Variants in SPIRE1 observed in about 807,000 individuals in gnomAD.
The protein encoded by SPIRE1 is spire type actin nucleation factor 1, also known as protein spire homolog 1.
Under a neutral mutation model 94.1 loss-of-function variants are expected in SPIRE1, and 40 were observed. The ratio of observed to expected loss-of-function variants is 0.43; its 90% CI spans 0.33 to 0.55. The LOEUF is 0.55. Ranked by LOEUF, SPIRE1 falls within the 20% of genes least tolerant of loss-of-function variation. SPIRE1 has a pLI of 0.06. For missense variants in SPIRE1, 838 were observed against 975.2 expected (o/e 0.86, Z 1.87); for synonymous variants, 376 against 371.7 (o/e 1.01, Z -0.13).
At chr18:12,512,625 A>G (rs1454169142) in intron 4 of SPIRE1, 94 bp from the exon 5 acceptor site, 2 of 764,514 alleles carry the variant, frequency 2.6e-6, no homozygotes, top group South Asian at 3.3e-5. Context: ...CATATATTCA[A>G]GTACCAGTGA....
At chr18:12,631,567 A>C (rs1195582520) in intron 2 of SPIRE1, among the ~76,000 whole-genome samples, 30 of 149,768 alleles carry the variant, frequency 2.0e-4, no homozygotes, top group Admixed American at 4.1e-4. Context: ...AAAAAAAAAA[A>C]AAAAAAAACA....
intron 4 of SPIRE1, among the ~76,000 whole-genome samples, chr18:12,529,316 C>T (rs2034615386): frequency 6.6e-6 from 1 of 150,880 alleles, no homozygotes; most frequent in Non-Finnish European, 1.5e-5. Context: ...TTGCAGTGAG[C>T]TGATATTGCG....
chr18:12,478,030 G>A (rs2032673431), intron 10 of SPIRE1, among the ~76,000 whole-genome samples: 1 of 151,910 alleles, frequency 6.6e-6, no homozygotes, highest in Admixed American at 6.6e-5. Flanking sequence ...CTGAAGAGAC[G>A]GTGAGAAAGA....
intron 1 of SPIRE1, among the ~76,000 whole-genome samples, 158 bp downstream of exon 1, chr18:12,657,372 C>T (rs909030826): frequency 1.2e-4 from 19 of 152,294 alleles, no homozygotes; most frequent in African/African-American, 4.6e-4. Flanking sequence ...GGCCTGACGC[C>T]GTCCTCCCCT....
At chr18:12,596,829 C>T (rs2036683788) in intron 2 of SPIRE1, among the ~76,000 whole-genome samples, 1 of 150,858 alleles carries the variant, frequency 6.6e-6, no homozygotes, top group East Asian at 1.9e-4. Context: ...TTACATGTTC[C>T]TCAAGAAGTC....
intron 2 of SPIRE1, among the ~76,000 whole-genome samples, chr18:12,576,092 A>G (rs2036085947): frequency 6.6e-6 from 1 of 151,928 alleles, no homozygotes; most frequent in South Asian, 2.1e-4. Flanking sequence ...AATCCCAGCT[A>G]CTCGGGAGGC....
chr18:12,467,791 A>C (rs1178326690), intron 10 of SPIRE1, among the ~76,000 whole-genome samples: 1 of 152,132 alleles, frequency 6.6e-6, no homozygotes, highest in Non-Finnish European at 1.5e-5. Context: ...CTCTACTAAA[A>C]ATACAAAATA....
chr18:12,457,846 C>CTTTTTTTTTTTTTTT, intron 12 of SPIRE1, among the ~76,000 whole-genome samples: 1 of 132,260 alleles, frequency 7.6e-6, no homozygotes. Context: ...TTTCTTTTTT[C>CTTTTTTTTTTTTTTT]TTTTTTTTTT....
intron 13 of SPIRE1, among the ~76,000 whole-genome samples, chr18:12,453,424 C>A (rs1234677748): frequency 1.4e-5 from 2 of 141,176 alleles, no homozygotes; most frequent in African/African-American, 5.4e-5. Flanking sequence ...TCCTCTGTTT[C>A]TCAGATACAT....
intron 2 of SPIRE1, among the ~76,000 whole-genome samples, chr18:12,609,199 G>C (rs928406490): frequency 6.6e-6 from 1 of 152,168 alleles, no homozygotes; most frequent in Non-Finnish European, 1.5e-5. Flanking sequence ...CGTCTGTAAT[G>C]GTCTGTGGCC....
At chr18:12,587,132 G>A (rs2036410512) in intron 2 of SPIRE1, among the ~76,000 whole-genome samples, 1 of 152,160 alleles carries the variant, frequency 6.6e-6, no homozygotes. Flanking sequence ...TTTGCTCAAA[G>A]TCACACAGCC....
At chr18:12,496,297 GTTTAC>G (rs1598412103) in intron 6 of SPIRE1, among the ~76,000 whole-genome samples, 195 bp from the exon 7 acceptor site, 1 of 152,226 alleles carries the variant, frequency 6.6e-6, no homozygotes, top group South Asian at 2.1e-4. Context: ...GAAAATCCAA[GTTTAC>G]TTTAATTCTA....
At position 12,446,525 on chromosome 18, in the gene SPIRE1, C is replaced by A. The variant is rs2030940435; in HGVS notation, c.*3113G>T. On this transcript the variant is annotated 3_prime_UTR_variant, in exon 17 of 17. Transcript: ENST00000409402. ...CAACACAGAAAGTCTGATGGAAAGC[C>A]ATTTTATTTTTCTCTAAATTTTAAA... 6.6e-6 allele frequency: 1 copy of A among 152,160 alleles called. No homozygotes were observed. Among genetic ancestry groups the A allele is most frequent in the Non-Finnish European group, 1.5e-5 (1 of 68,030 alleles). 9.4% of individuals were successfully genotyped at this position (152,160 alleles called of 1,614,324 possible). A position where few individuals can be genotyped will look rare whatever the true frequency, so the allele number is the denominator to read the frequency against.
intron 1 of SPIRE1, among the ~76,000 whole-genome samples, chr18:12,651,659 C>T (rs899376273): frequency 6.6e-6 from 1 of 152,024 alleles, no homozygotes; most frequent in Admixed American, 6.6e-5. Context: ...AGCAACAGAG[C>T]GAGACTCCAT....
intron 4 of SPIRE1, among the ~76,000 whole-genome samples, chr18:12,520,335 C>T (rs1416984832): frequency 2.0e-5 from 3 of 152,088 alleles, no homozygotes; most frequent in East Asian, 1.9e-4. Context: ...TTTTACAACT[C>T]CTGGGTTTTG....
At chr18:12,490,692 T>A (rs2033202860) in intron 8 of SPIRE1, among the ~76,000 whole-genome samples, 1 of 151,992 alleles carries the variant, frequency 6.6e-6, no homozygotes, top group South Asian at 2.1e-4. Flanking sequence ...AAAAATCACA[T>A]GATCATTTCA....
At chr18:12,452,218 G>A (rs2031275584) in intron 16 of SPIRE1, 37 bp downstream of exon 16, 3 of 1,611,966 alleles carry the variant, frequency 1.9e-6, no homozygotes, top group Admixed American at 1.7e-5. Flanking sequence ...CTCTTCTTCT[G>A]CAAAGGATGG....
intron 3 of SPIRE1, among the ~76,000 whole-genome samples, chr18:12,545,998 T>C (rs1277420152): frequency 6.6e-6 from 1 of 152,170 alleles, no homozygotes; most frequent in Non-Finnish European, 1.5e-5. Flanking sequence ...TTATTATTAT[T>C]ATTATTATTG....
chr18:12,577,063 A>G (rs2036124289), intron 2 of SPIRE1, among the ~76,000 whole-genome samples: 1 of 152,206 alleles, frequency 6.6e-6, no homozygotes, highest in Non-Finnish European at 1.5e-5. Flanking sequence ...TCATTTCAAC[A>G]AGTGGTGCTG....
Sources: allele counts gnomAD v4.1 joint callset (sites outside exome capture counted in the v4.1 genomes callset), GRCh38; gene constraint gnomAD v4.1.1; transcripts MANE v1.5; gene names NCBI Gene and HGNC (gene_info 2026-07-23, HGNC 2026-07-21).